Variants in SCAPER observed in about 807,000 individuals in gnomAD.
The protein encoded by SCAPER is S phase cyclin A-associated protein in the endoplasmic reticulum.
In SCAPER, 98 loss-of-function variants were observed where a neutral mutation model predicts 182.2. The observed-to-expected ratio is 0.54, with a 90% confidence interval of 0.46 to 0.64. The LOEUF (loss-of-function observed/expected upper bound fraction) is 0.64, where lower values mean the gene tolerates loss of function less well. Ranked by LOEUF, SCAPER falls within the 30% of genes least tolerant of loss-of-function variation. SCAPER has a pLI of 0.00. For missense variants in SCAPER, 1,432 were observed against 1,690.0 expected, an observed-to-expected ratio of 0.85 and a Z score of 2.68; for synonymous variants, 605 against 564.6, an observed-to-expected ratio of 1.07 and a Z score of -1.01.
chr15:76,602,913 C>CT lies in SCAPER; in HGVS notation c.2711+18850dup, dbSNP rs1281566641. 3.3e-3 allele frequency among the ~76,000 whole-genome samples: 169 copies of CT among 50,964 alleles called. 11 individuals carry two copies. Among genetic ancestry groups the CT allele is most frequent in the East Asian group, 0.011 (20 of 1,890 alleles). 33.4% of individuals were successfully genotyped at this position (50,964 alleles called of 152,430 possible). A position where few individuals can be genotyped will look rare whatever the true frequency, so the allele number is the denominator to read the frequency against. ...ACCATGTTTTCAAATTCTGGCATTT[C>CT]TTTTTTTTTTTTTTAATTTGAGCTC... On this transcript the variant is annotated intron_variant, in intron 22 of 31. Coordinates refer to ENST00000563290, the MANE Select transcript of SCAPER (RefSeq NM_020843.4).
At chr15:76,570,834 T>C (rs895022659) in intron 23 of SCAPER, among the ~76,000 whole-genome samples, 2 of 152,012 alleles carry the variant, frequency 1.3e-5, no homozygotes, top group African/African-American at 4.8e-5. Context: ...CAAATCAATC[T>C]AGGACAACTT....
At chr15:76,698,252 G>C (rs1038139829) in intron 20 of SCAPER, among the ~76,000 whole-genome samples, 1 of 151,776 alleles carries the variant, frequency 6.6e-6, no homozygotes, top group South Asian at 2.1e-4. Context: ...GAAATTGAGA[G>C]TTCTACTCCC....
At chr15:76,890,498 C>G (rs1403175065) in intron 1 of SCAPER, among the ~76,000 whole-genome samples, 2 of 152,078 alleles carry the variant, frequency 1.3e-5, no homozygotes, top group Non-Finnish European at 2.9e-5. Flanking sequence ...CACCACAGAT[C>G]CCACAGAAAT....
At chr15:76,561,741 C>T (rs2046643925) in intron 23 of SCAPER, among the ~76,000 whole-genome samples, 1 of 151,098 alleles carries the variant, frequency 6.6e-6, no homozygotes, top group South Asian at 2.1e-4. Flanking sequence ...CGGAGTTTCG[C>T]TCCTTTTGCC....
At chr15:76,689,008 C>A (rs2058198593) in intron 20 of SCAPER, among the ~76,000 whole-genome samples, 1 of 151,916 alleles carries the variant, frequency 6.6e-6, no homozygotes, top group African/African-American at 2.4e-5. Context: ...GTCACCACGG[C>A]CAGCTAATTT....
intron 26 of SCAPER, among the ~76,000 whole-genome samples, chr15:76,429,531 T>C (rs2046713125): frequency 6.6e-6 from 1 of 152,170 alleles, no homozygotes; most frequent in Admixed American, 6.5e-5. Flanking sequence ...TGTTGGGAAC[T>C]GGAGCAAAGG....
At chr15:76,556,273 G>A (rs2046189578) in intron 23 of SCAPER, among the ~76,000 whole-genome samples, 1 of 152,092 alleles carries the variant, frequency 6.6e-6, no homozygotes, top group South Asian at 2.1e-4. Context: ...TTAAAGCAGT[G>A]TAAGAGGGAA....
intron 20 of SCAPER, among the ~76,000 whole-genome samples, chr15:76,699,150 C>G: frequency 6.6e-6 from 1 of 152,244 alleles, no homozygotes; most frequent in Middle Eastern, 3.4e-3. Flanking sequence ...TTTATCAGAT[C>G]TAGGAGCTCT....
At chr15:76,716,787 A>G (rs1443616245) in intron 17 of SCAPER, among the ~76,000 whole-genome samples, 1 of 152,092 alleles carries the variant, frequency 6.6e-6, no homozygotes, top group East Asian at 1.9e-4. Flanking sequence ...ATGGGACACC[A>G]CTAAGCAAAC....
chr15:76,765,677 A>G (rs1234855918), intron 11 of SCAPER, 39 bp from the exon 12 acceptor site: 4 of 1,461,300 alleles, frequency 2.7e-6, no homozygotes, highest in Non-Finnish European at 3.8e-6. Flanking sequence ...CAAATCTTTG[A>G]ACACAATTAC....
At chr15:76,707,943 T>C (rs1337312664) in intron 17 of SCAPER, among the ~76,000 whole-genome samples, 1 of 152,064 alleles carries the variant, frequency 6.6e-6, no homozygotes, top group Non-Finnish European at 1.5e-5. Context: ...TAGGAAGAAA[T>C]TTGTGATATC....
At chr15:76,675,913 C>G (rs1426116139) in intron 20 of SCAPER, among the ~76,000 whole-genome samples, 2 of 152,080 alleles carry the variant, frequency 1.3e-5, no homozygotes, top group African/African-American at 4.8e-5. Context: ...CAACCTCCAC[C>G]TCCTGGGTTC....
At chr15:76,720,093 C>A (rs1462574051) in intron 17 of SCAPER, among the ~76,000 whole-genome samples, 2 of 137,872 alleles carry the variant, frequency 1.5e-5, no homozygotes, top group East Asian at 2.3e-4. Flanking sequence ...CCCCACCCCA[C>A]AACAGTCCCC....
intron 21 of SCAPER, among the ~76,000 whole-genome samples, chr15:76,662,238 T>C (rs1477149034): frequency 6.6e-6 from 1 of 152,076 alleles, no homozygotes; most frequent in East Asian, 1.9e-4. Context: ...GGACTTAATA[T>C]CTAGATGATG....
chr15:76,667,434 G>A (rs1355023406), intron 20 of SCAPER, among the ~76,000 whole-genome samples: 3 of 151,848 alleles, frequency 2.0e-5, no homozygotes, highest in African/African-American at 7.3e-5. Context: ...ACCTAATGCA[G>A]TAACTTGAAG....
At chr15:76,622,231 G>T (rs2052149144) in intron 21 of SCAPER, among the ~76,000 whole-genome samples, 1 of 152,102 alleles carries the variant, frequency 6.6e-6, no homozygotes, top group Non-Finnish European at 1.5e-5. Context: ...ATCTAAGACA[G>T]TTCTCACTAT....
chr15:76,635,367 A>G (rs1041029272), intron 21 of SCAPER, among the ~76,000 whole-genome samples: 4 of 152,234 alleles, frequency 2.6e-5, no homozygotes, highest in Admixed American at 2.6e-4. Context: ...GTACAGGGAA[A>G]AAACCCATGC....
At chr15:76,677,958 A>G (rs1201471638) in intron 20 of SCAPER, among the ~76,000 whole-genome samples, 1 of 152,058 alleles carries the variant, frequency 6.6e-6, no homozygotes, top group Non-Finnish European at 1.5e-5. Context: ...GACACAACAC[A>G]GAATTTCATT....
chr15:76,579,435 G>A (rs1237523550), intron 22 of SCAPER, among the ~76,000 whole-genome samples: 1 of 151,464 alleles, frequency 6.6e-6, no homozygotes, highest in Non-Finnish European at 1.5e-5. Flanking sequence ...GTTTTTTTAT[G>A]CAAGTAGTGT....
Sources: gnomAD v4.1 joint callset for allele counts (sites outside exome capture counted in the v4.1 genomes callset) on GRCh38, gnomAD v4.1.1 for gene constraint, MANE v1.5 for transcripts, NCBI Gene and HGNC (gene_info 2026-07-23, HGNC 2026-07-21) for gene names.